The following GALNT18 variants were observed in gnomAD, a reference collection of about 807,000 sequenced individuals.
GALNT18 encodes the protein polypeptide N-acetylgalactosaminyltransferase 18.
A neutral mutation model predicts 69.5 loss-of-function variants in GALNT18; 44 were observed. The observed-to-expected ratio is 0.63, with a 90% CI of 0.50 to 0.81. The LOEUF is 0.81. Among genes scored for constraint, GALNT18 ranks in the 40% least tolerant of loss-of-function variants. The pLI, the probability that GALNT18 is intolerant of heterozygous loss-of-function variation, is 0.00. For missense variants in GALNT18, 715 were observed against 810.0 expected, an observed-to-expected ratio of 0.88 and a Z score of 1.42; for synonymous variants, 364 against 318.2, an observed-to-expected ratio of 1.14 and a Z score of -1.53.
Position 11,616,565 on chromosome 11 carries a change from T to C in GALNT18, c.235+4794A>G, listed in dbSNP as rs377662773. On this transcript the variant is annotated intron_variant, in intron 1 of 10. Coordinates refer to ENST00000227756, the MANE Select transcript of GALNT18 (RefSeq NM_198516.3). This position sits in a 1 kb window ranked among gnomAD's most constrained non-coding sequence, Gnocchi z 4.4. The stretch of plus-strand genomic sequence containing the variant: ...GAAAGTGGTTGAATCAATAATAGTA[T>C]ACTGATGACAGAATACTATGCAGTC... Among the ~76,000 whole-genome samples the C allele has an allele frequency of 3.3e-5, 5 of 152,348 alleles. No individual in the cohort carries two copies. The highest frequency in any genetic ancestry group is 1.2e-4 in the African/African-American group (5 of 41,584).
intron 1 of GALNT18, among the ~76,000 whole-genome samples, chr11:11,453,626 G>C (rs553979692): frequency 1.9e-4 from 29 of 152,288 alleles, no homozygotes; most frequent in Admixed American, 1.8e-3. Context: ...GAGGGACCCG[G>C]TGGAGGTAAC....
chr11:11,392,006 T>A (rs115838642), intron 3 of GALNT18, among the ~76,000 whole-genome samples: 419 of 152,368 alleles, frequency 2.7e-3, no homozygotes, highest in African/African-American at 8.7e-3. Flanking sequence ...ATGAGTCATG[T>A]CTTGGCTCAA....
At chr11:11,527,531 G>A (rs191023966) in intron 1 of GALNT18, among the ~76,000 whole-genome samples, 1 of 152,282 alleles carries the variant, frequency 6.6e-6, no homozygotes, top group Admixed American at 6.5e-5. Context: ...ACAAAGCAGT[G>A]TCTCTGCCAC....
intron 1 of GALNT18, among the ~76,000 whole-genome samples, chr11:11,568,002 T>C (rs118063541): frequency 0.038 from 5,765 of 152,282 alleles, 146 homozygotes; most frequent in Middle Eastern, 0.068. Flanking sequence ...CTGGCCCCAC[T>C]GCCAGGCATT....
intron 1 of GALNT18, among the ~76,000 whole-genome samples, chr11:11,516,718 G>A (rs1276631813): frequency 6.6e-6 from 1 of 152,200 alleles, no homozygotes; most frequent in African/African-American, 2.4e-5. Context: ...TGCTGCAGGG[G>A]CACTGTTGGG....
intron 1 of GALNT18, among the ~76,000 whole-genome samples, chr11:11,451,539 TGG>T (rs1855799452): frequency 6.6e-6 from 1 of 151,972 alleles, no homozygotes; most frequent in Non-Finnish European, 1.5e-5. Flanking sequence ...AAAGATGAGG[TGG>T]AGGGCCTACA....
At chr11:11,576,557 T>C (rs1858929248) in intron 1 of GALNT18, among the ~76,000 whole-genome samples, 1 of 152,324 alleles carries the variant, frequency 6.6e-6, no homozygotes, top group Middle Eastern at 3.4e-3. Flanking sequence ...TTTGTGTAAC[T>C]TTCATAATGA....
At chr11:11,554,339 G>A (rs911756732) in intron 1 of GALNT18, among the ~76,000 whole-genome samples, 1 of 152,132 alleles carries the variant, frequency 6.6e-6, no homozygotes, top group African/African-American at 2.4e-5. Context: ...TGGAGAGGGG[G>A]CCACAGAGAG....
In GALNT18 at chr11:11,541,830, G is replaced by C. The variant is rs1857932665; in HGVS notation, c.235+79529C>G. 6.6e-6 allele frequency among the ~76,000 whole-genome samples: 1 copy of C among 152,182 alleles called. No homozygotes were observed. The highest frequency in any genetic ancestry group is 2.1e-4 in the South Asian group (1 of 4,830). The stretch of plus-strand genomic sequence containing the variant: ...CCTAGGGCACAAGCCAAGCCCAGAA[G>C]CCTCTCCCGAAGAGTGAGCAGGTTG... On this transcript the variant is annotated intron_variant, in intron 1 of 10. Coordinates refer to ENST00000227756, the MANE Select transcript of GALNT18 (RefSeq NM_198516.3). This position sits in a 1 kb window ranked among gnomAD's most constrained non-coding sequence, Gnocchi z 4.8.
Position 11,496,389 on chromosome 11 carries a change from C to T in GALNT18, c.236-47453G>A, listed in dbSNP as rs1856866705. On this transcript the variant is annotated intron_variant, in intron 1 of 10. Transcript: ENST00000227756. This position sits in a 1 kb window ranked among gnomAD's most constrained non-coding sequence, Gnocchi z 4.0. The stretch of plus-strand genomic sequence containing the variant: ...TACAGGGAAGGAGGGTCAGCTCTTG[C>T]CTGACTCAGTTGAACCCAACTAGCA... Among the ~76,000 whole-genome samples the T allele has an allele frequency of 2.6e-5, 4 of 152,172 alleles. No homozygotes were observed. The highest frequency in any genetic ancestry group is 1.3e-4 in the Admixed American group (2 of 15,280).
chr11:11,405,971 C>CA (rs1356872078), intron 3 of GALNT18, among the ~76,000 whole-genome samples: 1 of 152,190 alleles, frequency 6.6e-6, no homozygotes, highest in African/African-American at 2.4e-5. Context: ...AAGGTGTCGG[C>CA]AGTCCTGCTG....
chr11:11,557,044 T>C (rs1234912305), intron 1 of GALNT18, among the ~76,000 whole-genome samples: 1 of 152,194 alleles, frequency 6.6e-6, no homozygotes, highest in Non-Finnish European at 1.5e-5. Flanking sequence ...GGGTCTTTCC[T>C]AGACAGTCTC....
rs1168186241 is a variant in GALNT18, at chr11:11,331,680, T to C, written c.1416+1014A>G. ...ACACCAGAAGCTGGTTTTTTAGACTTGGTTTCACTGCTGATTATGTGAGCT... is the reference window on the plus strand; with the variant it reads ...ACACCAGAAGCTGGTTTTTTAGACTCGGTTTCACTGCTGATTATGTGAGCT... On this transcript the variant is annotated intron_variant, in intron 8 of 10. Transcript: ENST00000227756. Among the ~76,000 whole-genome samples the C allele has an allele frequency of 3.3e-5, 5 of 152,260 alleles. No homozygotes were observed. In the East Asian group the frequency reaches 7.8e-4, roughly 24 times the overall value.
At chr11:11,560,293 G>A (rs1858476666) in intron 1 of GALNT18, among the ~76,000 whole-genome samples, 1 of 152,004 alleles carries the variant, frequency 6.6e-6, no homozygotes, top group Non-Finnish European at 1.5e-5. Flanking sequence ...GGGATAGGTT[G>A]GGATTCAATA....
rs961873982 is a variant in GALNT18, at chr11:11,314,115, G to A, written c.1512+12971C>T. ...ATCTAAAATTAGCTCCTCTGTCACT[G>A]GGTTTGGTGACCTGTCCCCAAGGCC... On this transcript the variant is annotated intron_variant, in intron 9 of 10. Coordinates refer to ENST00000227756, the MANE Select transcript of GALNT18 (RefSeq NM_198516.3). The surrounding 1 kb of genome is among the most constrained non-coding windows in gnomAD (Gnocchi z 5.2). Among the ~76,000 whole-genome samples the A allele has an allele frequency of 2.0e-5, 3 of 152,132 alleles. No individual in the cohort carries two copies. Among genetic ancestry groups the A allele is most frequent in the East Asian group, 1.9e-4 (1 of 5,174 alleles).
At chr11:11,361,844 G>A (rs1850652795) in intron 6 of GALNT18, among the ~76,000 whole-genome samples, 2 of 152,280 alleles carry the variant, frequency 1.3e-5, no homozygotes, top group Non-Finnish European at 2.9e-5. Flanking sequence ...GATGATACTT[G>A]TGTCTTGCCT....
chr11:11,354,545 T>C (rs753908558), intron 6 of GALNT18, among the ~76,000 whole-genome samples: 23 of 152,338 alleles, frequency 1.5e-4, no homozygotes, highest in East Asian at 1.2e-3. Flanking sequence ...ATTCCAAAGA[T>C]AGTTGCTGTG....
At chr11:11,519,553 G>A (rs1857350460) in intron 1 of GALNT18, among the ~76,000 whole-genome samples, 3 of 152,316 alleles carry the variant, frequency 2.0e-5, no homozygotes, top group South Asian at 2.1e-4. Context: ...GAGGGCAAAG[G>A]GAATCCTCCT....
Position 11,383,816 on chromosome 11 carries a change from C to CCTCTCT in GALNT18, c.596-4558_596-4553dup, listed in dbSNP as rs145122557. On this transcript the variant is annotated intron_variant, in intron 3 of 10. Transcript: ENST00000227756. This position sits in a 1 kb window ranked among gnomAD's most constrained non-coding sequence, Gnocchi z 5.2. ...ATCTGATGGTTTAAGTGTGGCACTT[C>CCTCTCT]CTCTCTCTCTCTCTCTCTCTCTCTG... is the stretch of plus-strand genomic sequence containing the variant. 1.0e-3 allele frequency among the ~76,000 whole-genome samples: 149 copies of CCTCTCT among 147,800 alleles called. 1 individual carries two copies. The highest frequency in any genetic ancestry group is 2.2e-3 in the East Asian group (11 of 4,996).
Sources: gnomAD v4.1 joint callset for allele counts (sites outside exome capture counted in the v4.1 genomes callset) on GRCh38, gnomAD v4.1.1 for gene constraint, Gnocchi (gnomAD v3.1) non-coding constraint, MANE v1.5 for transcripts, NCBI Gene and HGNC (gene_info 2026-07-23, HGNC 2026-07-21) for gene names.